Variants in OTUD7B observed in about 807,000 individuals in gnomAD.
OTUD7B encodes the protein OTU domain-containing protein 7B.
Under a neutral mutation model 82.2 loss-of-function variants are expected in OTUD7B, and 34 were observed. The ratio of observed to expected loss-of-function variants is 0.41; its 90% CI spans 0.31 to 0.55. OTUD7B has a LOEUF of 0.55. Ranked by LOEUF, OTUD7B falls within the 20% of genes least tolerant of loss-of-function variation. The pLI, the probability that OTUD7B is intolerant of heterozygous loss-of-function variation, is 0.20. For synonymous variants in OTUD7B, 398 were observed against 402.7 expected, an observed-to-expected ratio of 0.99 and a Z score of 0.14; for missense variants, 944 against 1,062.1, an observed-to-expected ratio of 0.89 and a Z score of 1.55.
intron 7 of OTUD7B, among the ~76,000 whole-genome samples, chr1:149,956,589 A>G (rs1211906436): frequency 2.0e-5 from 3 of 152,252 alleles, no homozygotes; most frequent in Non-Finnish European, 4.4e-5. Context: ...CTGCCTTGCT[A>G]GGTTGGGGAA....
the OTUD7B span, among the ~76,000 whole-genome samples, chr1:150,046,961 C>T: frequency 6.6e-6 from 1 of 151,970 alleles, no homozygotes; most frequent in African/African-American, 2.4e-5. Context: ...ATCCCAGCTA[C>T]TGGGGAGGCT....
the OTUD7B span, among the ~76,000 whole-genome samples, chr1:150,042,116 TCCC>T: frequency 8.6e-5 from 2 of 23,206 alleles, no homozygotes; most frequent in Non-Finnish European, 1.8e-4. Flanking sequence ...CCTCCCTCCC[TCCC>T]TCCCTCCCTC....
intron 1 of OTUD7B, 101 bp from the exon 2 acceptor site, chr1:149,977,677 C>A: frequency 1.8e-6 from 1 of 562,636 alleles, no homozygotes; most frequent in Non-Finnish European, 3.2e-6. Flanking sequence ...ACTATCCTAG[C>A]TCATTCATTT....
the OTUD7B span, among the ~76,000 whole-genome samples, chr1:150,064,129 T>C: frequency 6.6e-6 from 1 of 152,234 alleles, no homozygotes; most frequent in Non-Finnish European, 1.5e-5. Context: ...ACCTTTTGAT[T>C]TCTAATAATC....
chr1:149,956,102 C>T (rs1227299247), intron 7 of OTUD7B, among the ~76,000 whole-genome samples: 2 of 152,050 alleles, frequency 1.3e-5, no homozygotes, highest in African/African-American at 4.8e-5. Flanking sequence ...TTATTTTGCT[C>T]GTTAGTTGAT....
chr1:149,982,993 T>C (rs1213670800), intron 1 of OTUD7B, among the ~76,000 whole-genome samples: 1 of 151,902 alleles, frequency 6.6e-6, no homozygotes, highest in Non-Finnish European at 1.5e-5. Context: ...AAGCTGGGAC[T>C]ACAGGCGCCT....
chr1:150,023,274 A>C, the OTUD7B span, among the ~76,000 whole-genome samples: 1 of 152,234 alleles, frequency 6.6e-6, no homozygotes, highest in African/African-American at 2.4e-5. Context: ...AAAATCCAGC[A>C]ATTCAACTTC....
At position 149,947,920 on chromosome 1, in the gene OTUD7B, T is replaced by A. The variant is rs782117092; in HGVS notation, c.1239-585A>T. ...GGGGCTGAGAGGGTAGGGAACATAT[T>A]TTTCTTGCTATTAAATTCCAGAAAG... On this transcript the variant is annotated intron_variant, in intron 10 of 11. Transcript: ENST00000581312. Among the ~76,000 whole-genome samples, 29 of 152,160 alleles carry A rather than the reference T, an allele frequency of 1.9e-4. 1 individual carries two copies. The highest frequency in any genetic ancestry group is 4.6e-4 in the Admixed American group (7 of 15,270).
At chr1:150,032,486 A>AAAAT in the OTUD7B span, among the ~76,000 whole-genome samples, 1 of 149,252 alleles carries the variant, frequency 6.7e-6, no homozygotes, top group African/African-American at 2.5e-5. Flanking sequence ...AAAAAAAAAA[A>AAAAT]TAGCCAGGTA....
intron 7 of OTUD7B, among the ~76,000 whole-genome samples, chr1:149,958,062 G>A (rs1472937586): frequency 7.2e-5 from 11 of 152,172 alleles, no homozygotes; most frequent in Admixed American, 2.0e-4. Context: ...CTACTGAGAT[G>A]AACCCGGTAC....
In OTUD7B at chr1:149,939,018, T is replaced by C. The variant is rs2092746042; in HGVS notation, c.*4839A>G. 3 of 148,334 alleles carry C rather than the reference T, an allele frequency of 2.0e-5. No individual in the cohort carries two copies. The highest frequency in any genetic ancestry group is 2.0e-4 in the Admixed American group (3 of 14,856). 9.2% of individuals were successfully genotyped at this position (148,334 alleles called of 1,614,324 possible). On this transcript the variant is annotated 3_prime_UTR_variant, in exon 12 of 12. Coordinates refer to ENST00000581312, the MANE Select transcript of OTUD7B (RefSeq NM_020205.4). ...ATTTGGATCAATACTTAACCAGGAATGGAGTGGGCAGGAGCTGAGGGTTAA... is the reference window on the plus strand; with the variant it reads ...ATTTGGATCAATACTTAACCAGGAACGGAGTGGGCAGGAGCTGAGGGTTAA...
chr1:150,004,544 A>C (rs1296812872), intron 1 of OTUD7B, among the ~76,000 whole-genome samples: 1 of 151,994 alleles, frequency 6.6e-6, no homozygotes, highest in Non-Finnish European at 1.5e-5. Context: ...TGAGCTGGAC[A>C]ACAGAGCAAG....
intron 1 of OTUD7B, among the ~76,000 whole-genome samples, chr1:149,985,615 G>A (rs140891390): frequency 3.3e-5 from 5 of 152,030 alleles, no homozygotes; most frequent in Non-Finnish European, 5.9e-5. Context: ...GGGTGTGGAG[G>A]TGCACTCCTG....
intron 1 of OTUD7B, among the ~76,000 whole-genome samples, chr1:149,985,365 C>T (rs913219312): frequency 4.6e-5 from 7 of 151,908 alleles, no homozygotes; most frequent in Non-Finnish European, 7.4e-5. Context: ...CAGGATCATG[C>T]GACTGCACTC....
chr1:149,991,426 T>G (rs587775776), intron 1 of OTUD7B, among the ~76,000 whole-genome samples: 2 of 152,360 alleles, frequency 1.3e-5, no homozygotes, highest in South Asian at 2.1e-4. Flanking sequence ...CACAATCTGA[T>G]AGTTCTAGTT....
intron 11 of OTUD7B, among the ~76,000 whole-genome samples, chr1:149,946,779 G>T (rs1283479487): frequency 7.0e-6 from 1 of 142,152 alleles, no homozygotes; most frequent in African/African-American, 2.6e-5. Context: ...AAGGCCAGGC[G>T]CGGTGGCTCA....
At chr1:150,030,926 C>T in the OTUD7B span, among the ~76,000 whole-genome samples, 16 of 152,186 alleles carry the variant, frequency 1.1e-4, 1 homozygote, top group African/African-American at 3.4e-4. Flanking sequence ...CCAGGCCCGC[C>T]ACCACACTGG....
At chr1:149,984,068 C>T (rs1316122110) in intron 1 of OTUD7B, among the ~76,000 whole-genome samples, 1 of 152,164 alleles carries the variant, frequency 6.6e-6, no homozygotes, top group Non-Finnish European at 1.5e-5. Flanking sequence ...AATATGACTA[C>T]TAACATGTTA....
chr1:150,001,644 T>G (rs1553784821), intron 1 of OTUD7B, among the ~76,000 whole-genome samples: 2 of 152,154 alleles, frequency 1.3e-5, no homozygotes, highest in Non-Finnish European at 1.5e-5. Flanking sequence ...ATTCTGTGCC[T>G]CCTTTCTACC....
Sources: allele counts gnomAD v4.1 joint callset (sites outside exome capture counted in the v4.1 genomes callset), GRCh38; gene constraint gnomAD v4.1.1; transcripts MANE v1.5; gene names NCBI Gene and HGNC (gene_info 2026-07-23, HGNC 2026-07-21).